Variants in VPS37C observed in about 807,000 individuals in gnomAD.
VPS37C encodes the protein vacuolar protein sorting-associated protein 37C.
A neutral mutation model predicts 16.1 loss-of-function variants in VPS37C; 9 were observed. The observed-to-expected ratio is 0.56, with a 90% CI of 0.34 to 0.97. The LOEUF (loss-of-function observed/expected upper bound fraction) is 0.97. Ranked by LOEUF, VPS37C falls within the 50% of genes least tolerant of loss-of-function variation. The pLI is 0.02. For missense variants in VPS37C, 479 were observed against 472.7 expected (o/e 1.01, Z -0.12); for synonymous variants, 207 against 206.4 (o/e 1.00, Z -0.02).
At chr11:61,152,113 C>G (rs770764859) in intron 1 of VPS37C, among the ~76,000 whole-genome samples, 3 of 152,162 alleles carry the variant, frequency 2.0e-5, no homozygotes, top group Admixed American at 6.5e-5. Flanking sequence ...AAGGTCAAGG[C>G]AAAGGACAAA....
chr11:61,141,586 C>T (rs1366920888), intron 1 of VPS37C, among the ~76,000 whole-genome samples: 1 of 152,182 alleles, frequency 6.6e-6, no homozygotes, highest in Non-Finnish European at 1.5e-5. Flanking sequence ...CAGTTCAAGT[C>T]CAGGCCCTGC....
intron 1 of VPS37C, chr11:61,145,339 G>A (rs556295833): frequency 6.6e-6 from 1 of 152,398 alleles, no homozygotes; most frequent in East Asian, 1.9e-4. Flanking sequence ...TAAGGCCCGA[G>A]ATCCAGAGAT....
At chr11:61,133,989 G>A (rs369686269) in intron 3 of VPS37C, 47 bp downstream of exon 3, 5 of 1,579,312 alleles carry the variant, frequency 3.2e-6, no homozygotes, top group African/African-American at 1.4e-5. Flanking sequence ...GTGGGCCTCC[G>A]TCCAACCCTG....
chr11:61,158,659 G>C (rs1227480827), intron 1 of VPS37C, among the ~76,000 whole-genome samples: 3 of 152,188 alleles, frequency 2.0e-5, no homozygotes, highest in African/African-American at 4.8e-5. Context: ...GGTCTTCAAA[G>C]GTAGGGCCTA....
chr11:61,139,522 C>T (rs1329381429), intron 1 of VPS37C, among the ~76,000 whole-genome samples: 1 of 152,050 alleles, frequency 6.6e-6, no homozygotes, highest in East Asian at 1.9e-4. Flanking sequence ...AAGAGGACAT[C>T]GCTTTGACAG....
chr11:61,132,489 C>G lies in VPS37C; in HGVS notation c.399G>C (p.Leu133=), dbSNP rs759302652. 2 of 1,611,812 alleles carry G rather than the reference C, an allele frequency of 1.2e-6. No individual in the cohort carries two copies. Among genetic ancestry groups the G allele is most frequent in the East Asian group, 4.5e-5 (2 of 44,838 alleles). Residue 133 remains leucine, a synonymous_variant, in exon 5 of 5, where the codon CTG becomes CTC. Coordinates refer to ENST00000301765, the MANE Select transcript of VPS37C (RefSeq NM_017966.5). Reference sequence around the variant, plus strand: ...GCATCCTCATGGAGGAAAAATTCTCCAGGAACGTTTCCAGGGGCACCTCGC... The same window carrying G: ...GCATCCTCATGGAGGAAAAATTCTCGAGGAACGTTTCCAGGGGCACCTCGC... The part of the protein sequence containing the change: ...LEGEVPLETF[L]ENFSSMRMLS...
intron 1 of VPS37C, among the ~76,000 whole-genome samples, chr11:61,158,931 G>C (rs549721980): frequency 6.6e-6 from 1 of 152,184 alleles, no homozygotes; most frequent in Non-Finnish European, 1.5e-5. Flanking sequence ...TCTGTCATTC[G>C]GTAAGCACCT....
chr11:61,133,349 G>A lies in VPS37C; in HGVS notation c.266-12C>T, dbSNP rs1339231274. 4 of 1,613,342 alleles carry A rather than the reference G, an allele frequency of 2.5e-6. No homozygotes were observed. The highest frequency in any genetic ancestry group is 1.3e-5 in the African/African-American group (1 of 74,892). On this transcript the variant is annotated splice_polypyrimidine_tract_variant and intron_variant, in intron 3 of 4. Transcript: ENST00000301765. ...TGAAGAAAATTTCTCTGGAAGGGAG[G>A]GCAGAACGACTGACATTTGAAAAGT...
chr11:61,156,584 CAA>C (rs558977189), intron 1 of VPS37C, among the ~76,000 whole-genome samples: 2 of 148,118 alleles, frequency 1.4e-5, no homozygotes. Context: ...GACTCTGTCT[CAA>C]AAAAAAACAA....
intron 1 of VPS37C, among the ~76,000 whole-genome samples, chr11:61,152,921 G>C (rs1321162273): frequency 1.3e-5 from 2 of 152,164 alleles, no homozygotes; most frequent in Non-Finnish European, 2.9e-5. Context: ...AGCTTTCCTT[G>C]CTTCTTCCTC....
At chr11:61,146,872 G>C (rs1853213972) in intron 1 of VPS37C, among the ~76,000 whole-genome samples, 1 of 152,214 alleles carries the variant, frequency 6.6e-6, no homozygotes, top group South Asian at 2.1e-4. Flanking sequence ...CCCAACCCCA[G>C]TGGCCTACAA....
Position 61,131,980 on chromosome 11 carries a change from G to C in VPS37C, c.908C>G (p.Pro303Arg). 1 of 1,321,176 alleles carries C rather than the reference G, an allele frequency of 7.6e-7. No individual in the cohort carries two copies. Among genetic ancestry groups the C allele is most frequent in the Non-Finnish European group, 9.7e-7 (1 of 1,029,278 alleles). The allele number at this position is 1,321,176 out of a possible 1,614,324, so 81.8% of individuals were successfully genotyped here. A position where few individuals can be genotyped will look rare whatever the true frequency, so the allele number is the denominator to read the frequency against. ...GTAGGGAGGTTTTCCTCCTGTTGCG[G>C]GGTATGGGGACTGTTGAGGATAACC... ...SPGYPQQSPY[P>R]ATGGKPPYPI... is the part of the protein sequence containing the mutation. The change falls in exon 5 of 5, where the codon CCC becomes CGC. Residue 303 changes from proline (P) to arginine (R), a missense_variant. By Grantham distance (103) the Pro-to-Arg change is moderately radical. Transcript: ENST00000301765.
Position 61,131,807 on chromosome 11 carries a change from G to C in VPS37C, c.*13C>G, listed in dbSNP as rs1472240393. 1.6e-6 allele frequency: 2 copies of C among 1,253,012 alleles called. No homozygotes were observed. The highest frequency in any genetic ancestry group is 6.2e-5 in the East Asian group (2 of 32,326). 77.6% of individuals were successfully genotyped at this position (1,253,012 alleles called of 1,614,324 possible). ...GGGTGGGACTAGGGAGGGGCCGAGGGCCAGGAGTGTGTCTAATACCCAGGC... is the reference window on the plus strand; with the variant it reads ...GGGTGGGACTAGGGAGGGGCCGAGGCCCAGGAGTGTGTCTAATACCCAGGC... On this transcript the variant is annotated 3_prime_UTR_variant, in exon 5 of 5. Coordinates refer to ENST00000301765, the MANE Select transcript of VPS37C (RefSeq NM_017966.5).
At position 61,146,670 on chromosome 11, in the gene VPS37C, G is replaced by A. The variant is rs183150580; in HGVS notation, c.-6-7835C>T. Among the ~76,000 whole-genome samples, 132 of 152,314 alleles carry A rather than the reference G, an allele frequency of 8.7e-4. 1 individual carries two copies. The highest frequency in any genetic ancestry group is 3.2e-3 in the African/African-American group (131 of 41,576). On this transcript the variant is annotated intron_variant, in intron 1 of 4. Transcript: ENST00000301765. ...TTTTCTGGGGTGATATCATCAACTC[G>A]AAAGTGATCTGGCTGGGAGGGAACA...
Position 61,131,815 on chromosome 11 carries a change from T to C in VPS37C, c.*5A>G. ...CTAGGGAGGGGCCGAGGGCCAGGAG[T>C]GTGTCTAATACCCAGGCCAGGCAGG... On this transcript the variant is annotated 3_prime_UTR_variant, in exon 5 of 5. Transcript: ENST00000301765. 4 of 1,248,116 alleles carry C rather than the reference T, an allele frequency of 3.2e-6. No homozygotes were observed. The highest frequency in any genetic ancestry group is 4.0e-5 in the South Asian group (1 of 25,136). The allele number at this position is 1,248,116 out of a possible 1,614,324, so 77.3% of individuals were successfully genotyped here. A position where few individuals can be genotyped will look rare whatever the true frequency, so the allele number is the denominator to read the frequency against.
At chr11:61,134,983 A>C (rs1861340137) in intron 2 of VPS37C, among the ~76,000 whole-genome samples, 1 of 152,142 alleles carries the variant, frequency 6.6e-6, no homozygotes, top group Non-Finnish European at 1.5e-5. Context: ...TCCTAAGAGG[A>C]GGGCTGAGGA....
At chr11:61,137,035 A>G (rs1000314390) in intron 2 of VPS37C, among the ~76,000 whole-genome samples, 2 of 152,158 alleles carry the variant, frequency 1.3e-5, no homozygotes, top group Non-Finnish European at 2.9e-5. Context: ...AAAAAGTTGC[A>G]AAGTGGGAGA....
At chr11:61,137,910 T>TG (rs1861408188) in intron 2 of VPS37C, among the ~76,000 whole-genome samples, 2 of 152,114 alleles carry the variant, frequency 1.3e-5, no homozygotes, top group African/African-American at 4.8e-5. Context: ...CCCCATGGCA[T>TG]GGAAGCACGG....
At chr11:61,141,367 CA>C (rs1242030018) in intron 1 of VPS37C, among the ~76,000 whole-genome samples, 229 of 126,216 alleles carry the variant, frequency 1.8e-3, no homozygotes, top group East Asian at 7.6e-3. Context: ...GACTCGGTCT[CA>C]AAAAAAAAAA....
Sources: gnomAD v4.1 joint callset for allele counts (sites outside exome capture counted in the v4.1 genomes callset) on GRCh38, gnomAD v4.1.1 for gene constraint, MANE v1.5 for transcripts, NCBI Gene and HGNC (gene_info 2026-07-23, HGNC 2026-07-21) for gene names.